NAA30: variants seen among roughly 807,000 people sequenced by gnomAD.
The protein encoded by NAA30 is N-alpha-acetyltransferase 30.
NAA30 carries 5 observed loss-of-function variants against 31.4 expected under a neutral mutation model. That is an observed-to-expected ratio of 0.16 (90% CI 0.08 to 0.33). The LOEUF is 0.33. Ranked by LOEUF, NAA30 falls within the 10% of genes least tolerant of loss-of-function variation. The pLI, the probability that NAA30 is intolerant of heterozygous loss-of-function variation, is 1.00. For missense variants in NAA30, 428 were observed against 490.8 expected (o/e 0.87, Z 1.21); for synonymous variants, 222 against 207.1 (o/e 1.07, Z -0.62).
chr14:57,408,373 A>C (rs1039125150), intron 4 of NAA30, among the ~76,000 whole-genome samples: 1 of 152,170 alleles, frequency 6.6e-6, no homozygotes, highest in African/African-American at 2.4e-5. Flanking sequence ...GAGGGAGGTA[A>C]AAATAAAATC....
In NAA30 at chr14:57,412,802, GC is replaced by G. The variant is rs1328511033; in HGVS notation, c.*3287del. On this transcript the variant is annotated 3_prime_UTR_variant, in exon 5 of 5. Coordinates refer to ENST00000556492, the MANE Select transcript of NAA30 (RefSeq NM_001011713.3). Reference sequence around the variant, plus strand: ...GTGCATTTTATGATTGGGTTGTTTTGCTTTTACCTACTAAGTAAAACAGCAA... The same window carrying G: ...GTGCATTTTATGATTGGGTTGTTTTGTTTTACCTACTAAGTAAAACAGCAA... The G allele has an allele frequency of 6.6e-6, 1 of 152,032 alleles. No individual in the cohort carries two copies. Among genetic ancestry groups the G allele is most frequent in the Non-Finnish European group, 1.5e-5 (1 of 67,988 alleles). The allele number at this position is 152,032 out of a possible 1,614,324, so 9.4% of individuals were successfully genotyped here.
chr14:57,399,992 C>T (rs1169369424), intron 4 of NAA30, 109 bp downstream of exon 4: 1 of 535,350 alleles, frequency 1.9e-6, no homozygotes, highest in African/African-American at 2.0e-5. Context: ...TGTTACTATA[C>T]AAATGCAGCT....
At chr14:57,393,066 T>C (rs1039804573) in intron 2 of NAA30, among the ~76,000 whole-genome samples, 1 of 152,220 alleles carries the variant, frequency 6.6e-6, no homozygotes, top group African/African-American at 2.4e-5. Flanking sequence ...TCATATCAAA[T>C]GCCACTGTAA....
At position 57,391,354 on chromosome 14, in the gene NAA30, C is replaced by T. The variant is rs113395103; in HGVS notation, c.397C>T (p.His133Tyr). The change falls in exon 2 of 5, where the codon CAC becomes TAC. Residue 133 changes from histidine to tyrosine, a missense_variant. His to Tyr is a moderately conservative substitution (Grantham distance 83). Transcript: ENST00000556492. The surrounding 1 kb of genome is among the most constrained non-coding windows in gnomAD (Gnocchi z 4.1). The part of the protein sequence containing the change: ...RATATKGAGV[H>Y]SGERPPHSLS... Reference sequence around the variant, plus strand: ...GACTGCAACAAAAGGAGCCGGGGTACACTCGGGCGAGAGGCCCCCTCACTC... The same window carrying T: ...GACTGCAACAAAAGGAGCCGGGGTATACTCGGGCGAGAGGCCCCCTCACTC... 6.2e-7 allele frequency: 1 copy of T among 1,611,912 alleles called. No homozygotes were observed. The highest frequency in any genetic ancestry group is 1.3e-5 in the African/African-American group (1 of 75,046).
chr14:57,399,757 C>T lies in NAA30; in HGVS notation c.896-71C>T, dbSNP rs1007572433. 15 of 845,416 alleles carry T rather than the reference C, an allele frequency of 1.8e-5. No individual in the cohort carries two copies. The Admixed American group carries it at 2.5e-4, about 14-fold the overall frequency. The allele number at this position is 845,416 out of a possible 1,614,324, so 52.4% of individuals were successfully genotyped here. A position where few individuals can be genotyped will look rare whatever the true frequency, so the allele number is the denominator to read the frequency against. ...CTAGCATTTGACATTTCTGTGCTTA[C>T]GAATATTATAATTTAGGTTATCTTT... On this transcript the variant is annotated intron_variant, in intron 3 of 4. Coordinates refer to ENST00000556492, the MANE Select transcript of NAA30 (RefSeq NM_001011713.3).
chr14:57,397,999 C>T (rs1430816194), intron 3 of NAA30, among the ~76,000 whole-genome samples: 1 of 152,162 alleles, frequency 6.6e-6, no homozygotes, highest in Admixed American at 6.5e-5. Context: ...TTTGTCTAAG[C>T]ATGTCAAATT....
Position 57,390,951 on chromosome 14 carries a change from T to G in NAA30, c.-1-6T>G, listed in dbSNP as rs768203834. 4 of 1,476,252 alleles carry G rather than the reference T, an allele frequency of 2.7e-6. No individual in the cohort carries two copies. The highest frequency in any genetic ancestry group is 1.5e-5 in the African/African-American group (1 of 67,298). 91.4% of individuals were successfully genotyped at this position (1,476,252 alleles called of 1,614,324 possible). ...GGCCTCCCCTCTCGGTCTGTGTCGC[T>G]TCTAGGATGGCGGAGGTACCGCCTG... On this transcript the variant is annotated splice_region_variant and splice_polypyrimidine_tract_variant and intron_variant, in intron 1 of 4. Coordinates refer to ENST00000556492, the MANE Select transcript of NAA30 (RefSeq NM_001011713.3).
At chr14:57,396,946 G>A in intron 3 of NAA30, 71 bp downstream of exon 3, 2 of 1,464,234 alleles carry the variant, frequency 1.4e-6, no homozygotes, top group African/African-American at 1.4e-5. Context: ...TGAAATAAAA[G>A]ACTTAAATGT....
rs544924445 is a variant in NAA30 at position 57,411,991 on chromosome 14, A to T, written c.*2475A>T. 3 of 152,226 alleles carry T rather than the reference A, an allele frequency of 2.0e-5. No homozygotes were observed. In the South Asian group the frequency reaches 6.2e-4, roughly 32 times the overall value. The allele number at this position is 152,226 out of a possible 1,614,324, so 9.4% of individuals were successfully genotyped here. The stretch of plus-strand genomic sequence containing the variant: ...ATGGGGTGCTGCCTCTTTAGGACTG[A>T]CTGTACTATCCACTGACACTGGTTT... On this transcript the variant is annotated 3_prime_UTR_variant, in exon 5 of 5. Transcript: ENST00000556492.
At chr14:57,393,988 C>T (rs1406355159) in intron 2 of NAA30, among the ~76,000 whole-genome samples, 2 of 151,864 alleles carry the variant, frequency 1.3e-5, no homozygotes, top group South Asian at 2.1e-4. Flanking sequence ...CAAAATGTTC[C>T]GTTTTCCGTG....
At position 57,411,060 on chromosome 14, in the gene NAA30, C is replaced by CT. The variant is rs79078127; in HGVS notation, c.*1559dup. The CT allele has an allele frequency of 0.018, 2,067 of 117,868 alleles. 45 individuals carry two copies. The highest frequency in any genetic ancestry group is 0.055 in the African/African-American group (1,745 of 31,996). The allele number at this position is 117,868 out of a possible 1,614,324, so 7.3% of individuals were successfully genotyped here. On this transcript the variant is annotated 3_prime_UTR_variant, in exon 5 of 5. Coordinates refer to ENST00000556492, the MANE Select transcript of NAA30 (RefSeq NM_001011713.3). ...GGCCCCTTTTCAGGAAAGTTTGTTG[C>CT]TTTTTTTTTTTTTTTAAAGGAAAGC...
At position 57,391,837 on chromosome 14, in the gene NAA30, A is replaced by ATAAC; in HGVS notation, c.771+109_771+110insTAAC. On this transcript the variant is annotated intron_variant, in intron 2 of 4. Transcript: ENST00000556492. This position sits in a 1 kb window ranked among gnomAD's most constrained non-coding sequence, Gnocchi z 4.1. ...GTGGATATCTCCTGCTGCGTATCAT[A>ATAAC]GTACGTTATATGATGTCAAGTGCTG... The ATAAC allele has an allele frequency of 3.7e-6, 3 of 814,132 alleles. No individual in the cohort carries two copies. The highest frequency in any genetic ancestry group is 5.9e-6 in the Non-Finnish European group (3 of 505,914). The allele number at this position is 814,132 out of a possible 1,614,324, so 50.4% of individuals were successfully genotyped here. A position where few individuals can be genotyped will look rare whatever the true frequency, so the allele number is the denominator to read the frequency against.
chr14:57,394,453 T>C (rs1342055037), intron 2 of NAA30, among the ~76,000 whole-genome samples: 1 of 152,148 alleles, frequency 6.6e-6, no homozygotes. Flanking sequence ...ATACATTTAA[T>C]AGCGTGAATT....
chr14:57,411,679 G>A lies in NAA30; in HGVS notation c.*2163G>A, dbSNP rs2066523037. Reference sequence around the variant, plus strand: ...AACTGTGTGACTAAAAAGTCAGATGGTTGCCATATTGTTTGGAATATGTTG... The same window carrying A: ...AACTGTGTGACTAAAAAGTCAGATGATTGCCATATTGTTTGGAATATGTTG... On this transcript the variant is annotated 3_prime_UTR_variant, in exon 5 of 5. Transcript: ENST00000556492. 6.6e-6 allele frequency: 1 copy of A among 152,032 alleles called. No individual in the cohort carries two copies. The highest frequency in any genetic ancestry group is 6.6e-5 in the Admixed American group (1 of 15,260). 9.4% of individuals were successfully genotyped at this position (152,032 alleles called of 1,614,324 possible).
chr14:57,408,666 CTG>C (rs962049210), intron 4 of NAA30, among the ~76,000 whole-genome samples: 24 of 152,302 alleles, frequency 1.6e-4, no homozygotes, highest in African/African-American at 5.8e-4. Flanking sequence ...TTATGATACA[CTG>C]TAACATTTTG....
In NAA30 at chr14:57,391,780, C is replaced by T. The variant is rs1040926685; in HGVS notation, c.771+52C>T. On this transcript the variant is annotated intron_variant, in intron 2 of 4. Coordinates refer to ENST00000556492, the MANE Select transcript of NAA30 (RefSeq NM_001011713.3). This position sits in a 1 kb window ranked among gnomAD's most constrained non-coding sequence, Gnocchi z 4.1. ...GAACCCAGCAGTGATCGAGACTGTG[C>T]GGGGCAGGGAGTGAGGGCCCAGAAT... 3.4e-6 allele frequency: 5 copies of T among 1,462,300 alleles called. No homozygotes were observed. Among genetic ancestry groups the T allele is most frequent in the Non-Finnish European group, 3.7e-6 (4 of 1,076,184 alleles). 90.6% of individuals were successfully genotyped at this position (1,462,300 alleles called of 1,614,324 possible).
intron 4 of NAA30, among the ~76,000 whole-genome samples, chr14:57,408,963 A>C (rs2066511394): frequency 6.6e-6 from 1 of 152,224 alleles, no homozygotes; most frequent in Non-Finnish European, 1.5e-5. Context: ...ATTAATGAAA[A>C]TACAGAAGTT....
intron 4 of NAA30, among the ~76,000 whole-genome samples, chr14:57,405,850 AGTAATGTTTT>A (rs1234355689): frequency 2.6e-5 from 4 of 152,176 alleles, no homozygotes; most frequent in Admixed American, 6.5e-5. Flanking sequence ...TATCTTAAGC[AGTAATGTTTT>A]GTAATGGTTT....
At chr14:57,392,310 G>C (rs1293187208) in intron 2 of NAA30, among the ~76,000 whole-genome samples, 1 of 152,146 alleles carries the variant, frequency 6.6e-6, no homozygotes, top group Non-Finnish European at 1.5e-5. Context: ...ATTCCAGAAA[G>C]CGCTACTAAC....
Sources: gnomAD v4.1 joint callset for allele counts (sites outside exome capture counted in the v4.1 genomes callset) on GRCh38, gnomAD v4.1.1 for gene constraint, Gnocchi (gnomAD v3.1) non-coding constraint, MANE v1.5 for transcripts, NCBI Gene and HGNC (gene_info 2026-07-23, HGNC 2026-07-21) for gene names.